ITPR1: variants seen among roughly 807,000 people sequenced by gnomAD.
ITPR1 encodes the protein inositol 1,4,5-trisphosphate receptor type 1.
A neutral mutation model predicts 318.4 loss-of-function variants in ITPR1; 96 were observed. The ratio of observed to expected loss-of-function variants is 0.30; its 90% CI spans 0.26 to 0.36. The LOEUF (loss-of-function observed/expected upper bound fraction) is 0.36. ITPR1 is among the 10% of genes least tolerant of loss of function. ITPR1 has a pLI of 1.00. For missense variants in ITPR1, 2,440 were observed against 3,460.2 expected, an observed-to-expected ratio of 0.71 and a Z score of 7.40; for synonymous variants, 1,312 against 1,289.9, an observed-to-expected ratio of 1.02 and a Z score of -0.37.
At chr3:4,698,386 A>T (rs1381408101) in intron 34 of ITPR1, among the ~76,000 whole-genome samples, 4 of 152,152 alleles carry the variant, frequency 2.6e-5, no homozygotes, top group African/African-American at 9.7e-5. Context: ...ATATTTTTTT[A>T]AAAATCTCAA....
intron 4 of ITPR1, among the ~76,000 whole-genome samples, chr3:4,607,875 G>T (rs1432376112): frequency 1.3e-5 from 2 of 152,122 alleles, no homozygotes; most frequent in Non-Finnish European, 2.9e-5. Flanking sequence ...CAGTAGTAAT[G>T]GGTAAGTTGC....
intron 2 of ITPR1, among the ~76,000 whole-genome samples, chr3:4,495,365 A>G (rs1436746494): frequency 1.3e-5 from 2 of 152,162 alleles, no homozygotes; most frequent in Non-Finnish European, 2.9e-5. Flanking sequence ...CTGGGCTACA[A>G]TCTTTGGGCT....
chr3:4,811,424 G>C lies in ITPR1; in HGVS notation c.7432G>C (p.Glu2478Gln). The C allele has an allele frequency of 1.2e-6, 2 of 1,613,908 alleles. No individual in the cohort carries two copies. The highest frequency in any genetic ancestry group is 4.5e-5 in the East Asian group (2 of 44,876). ...YLFFKDDFIL[E>Q]VDRLPNETAV... ...TTTCTTCAAGGATGACTTTATCTTGGAAGTAGATAGGCTGCCCAATGAAAC... is the reference window on the plus strand; with the variant it reads ...TTTCTTCAAGGATGACTTTATCTTGCAAGTAGATAGGCTGCCCAATGAAAC... Residue 2478 changes from glutamate (E) to glutamine (Q), a missense_variant, in exon 56 of 62, where the codon GAA (glutamate) becomes CAA (glutamine). Around this residue, in one of 23 missense-constraint regions of ITPR1, gnomAD observed 88 missense variants for 90.5 expected, o/e 0.97. Coordinates refer to ENST00000649015, the MANE Select transcript of ITPR1 (RefSeq NM_001378452.1).
At chr3:4,504,249 C>A (rs1231463783) in intron 2 of ITPR1, among the ~76,000 whole-genome samples, 1 of 152,094 alleles carries the variant, frequency 6.6e-6, no homozygotes, top group Non-Finnish European at 1.5e-5. Flanking sequence ...GGTTATTTAG[C>A]AGACATGTCT....
At chr3:4,759,297 G>A (rs1215602352) in intron 44 of ITPR1, among the ~76,000 whole-genome samples, 1 of 152,248 alleles carries the variant, frequency 6.6e-6, no homozygotes, top group Non-Finnish European at 1.5e-5. Context: ...AGGCTGATCT[G>A]AAAAGGTAGT....
intron 2 of ITPR1, among the ~76,000 whole-genome samples, chr3:4,502,286 A>G (rs1284927112): frequency 6.6e-6 from 1 of 152,182 alleles, no homozygotes; most frequent in Non-Finnish European, 1.5e-5. Flanking sequence ...TTGAAACTCC[A>G]GGGCCCTAAA....
intron 44 of ITPR1, 27 bp downstream of exon 44, chr3:4,735,381 T>C: frequency 6.3e-7 from 1 of 1,584,690 alleles, no homozygotes; most frequent in Non-Finnish European, 8.7e-7. Flanking sequence ...GCTACTGGTA[T>C]GGCATCCCTG....
intron 59 of ITPR1, chr3:4,816,416 G>C (rs1371489215): frequency 6.6e-6 from 1 of 152,178 alleles, no homozygotes; most frequent in Admixed American, 6.5e-5. Flanking sequence ...ATCGTATCAG[G>C]AGGCATGTAA....
At chr3:4,670,409 T>C (rs72995404) in intron 19 of ITPR1, among the ~76,000 whole-genome samples, 76 of 152,334 alleles carry the variant, frequency 5.0e-4, no homozygotes, top group Non-Finnish European at 9.6e-4. Context: ...TGTGGGGCTG[T>C]GCTAGGCACT....
chr3:4,525,374 A>G (rs2082895381), intron 4 of ITPR1, among the ~76,000 whole-genome samples: 1 of 152,362 alleles, frequency 6.6e-6, no homozygotes, highest in East Asian at 1.9e-4. Context: ...CAGAAGATAT[A>G]GAAGAGTTCA....
chr3:4,523,827 T>C (rs1458908287), intron 4 of ITPR1, among the ~76,000 whole-genome samples: 3 of 152,236 alleles, frequency 2.0e-5, no homozygotes, highest in Non-Finnish European at 2.9e-5. Context: ...GACATGTTTT[T>C]CTGGCACGAC....
At chr3:4,605,121 G>A (rs989435703) in intron 4 of ITPR1, among the ~76,000 whole-genome samples, 1 of 152,068 alleles carries the variant, frequency 6.6e-6, no homozygotes, top group Non-Finnish European at 1.5e-5. Flanking sequence ...AGAGGCACAC[G>A]CCACCATGCC....
At chr3:4,537,252 G>A (rs181299058) in intron 4 of ITPR1, among the ~76,000 whole-genome samples, 1 of 152,326 alleles carries the variant, frequency 6.6e-6, no homozygotes, top group Admixed American at 6.5e-5. Flanking sequence ...CGTGAGTAAA[G>A]TCATCCCAGC....
At chr3:4,588,069 A>T (rs1052889285) in intron 4 of ITPR1, among the ~76,000 whole-genome samples, 1 of 152,202 alleles carries the variant, frequency 6.6e-6, no homozygotes, top group Non-Finnish European at 1.5e-5. Flanking sequence ...CCTCAAAGAC[A>T]TTTGGTTCAA....
intron 4 of ITPR1, among the ~76,000 whole-genome samples, chr3:4,589,035 T>G (rs2090163604): frequency 6.6e-6 from 1 of 152,076 alleles, no homozygotes; most frequent in African/African-American, 2.4e-5. Context: ...AGCAAGAAAT[T>G]TATTTCAGCT....
At chr3:4,615,396 G>C (rs1258017994) in intron 4 of ITPR1, among the ~76,000 whole-genome samples, 1 of 121,222 alleles carries the variant, frequency 8.2e-6, no homozygotes, top group Admixed American at 8.7e-5. Context: ...TTTTTTTTGA[G>C]ATGGAGTTTT....
chr3:4,535,765 A>G (rs576611403), intron 4 of ITPR1, among the ~76,000 whole-genome samples: 1 of 152,048 alleles, frequency 6.6e-6, no homozygotes, highest in Non-Finnish European at 1.5e-5. Context: ...TTTTCTCTCC[A>G]AAATCTGGGC....
At chr3:4,749,362 C>G (rs866986417) in intron 44 of ITPR1, 1 of 152,102 alleles carries the variant, frequency 6.6e-6, no homozygotes, top group Non-Finnish European at 1.5e-5. Context: ...GAGGAAATCC[C>G]GTAGTAGGAG....
chr3:4,845,999 T>A (rs1220894528), intron 61 of ITPR1, 140 bp from the exon 62 acceptor site: 2 of 496,320 alleles, frequency 4.0e-6, no homozygotes, highest in Non-Finnish European at 7.2e-6. Context: ...TGCTGTGTGT[T>A]TGATATAGCG....
Sources: allele counts gnomAD v4.1 joint callset (sites outside exome capture counted in the v4.1 genomes callset), GRCh38; gene constraint gnomAD v4.1.1; regional missense constraint gnomAD v4.1.1; transcripts MANE v1.5; gene names NCBI Gene and HGNC (gene_info 2026-07-23, HGNC 2026-07-21).